CTNNA3: variants seen among roughly 807,000 people sequenced by gnomAD.
CTNNA3 encodes the protein catenin alpha 3, also known as catenin alpha-3.
CTNNA3 carries 76 observed loss-of-function variants against 95.7 expected under a neutral mutation model. The ratio of observed to expected loss-of-function variants is 0.79; its 90% CI spans 0.66 to 0.96. The LOEUF is 0.96. CTNNA3 is among the 40% of genes least tolerant of loss of function. The pLI is 0.00. For missense variants in CTNNA3, 1,191 were observed against 1,089.8 expected (o/e 1.09, Z -1.31); for synonymous variants, 431 against 374.4 (o/e 1.15, Z -1.74).
In CTNNA3 at chr10:66,520,685, T is replaced by A; in HGVS notation, c.1463A>T (p.Asn488Ile). 1 of 1,612,302 alleles carries A rather than the reference T, an allele frequency of 6.2e-7. No homozygotes were observed. Among genetic ancestry groups the A allele is most frequent in the Non-Finnish European group, 8.5e-7 (1 of 1,178,992 alleles). ...TMEMYKRTWENHIHVLTEAVD... is the reference protein window; with the variant it reads ...TMEMYKRTWEIHIHVLTEAVD... ...GGCTTCAGTGAGGACATGTATATGA[T>A]TCTCCCATGTACGCTTGTACATTTC... Residue 488 changes from asparagine to isoleucine, a missense_variant, in exon 11 of 18, where the codon AAT (asparagine) becomes ATT (isoleucine). Coordinates refer to ENST00000433211, the MANE Select transcript of CTNNA3 (RefSeq NM_013266.4).
intron 11 of CTNNA3, among the ~76,000 whole-genome samples, chr10:66,410,633 A>T (rs996043613): frequency 2.6e-5 from 4 of 152,162 alleles, no homozygotes; most frequent in Admixed American, 2.6e-4. Context: ...GCCTTTCTGC[A>T]TATTAGGTGT....
intron 13 of CTNNA3, among the ~76,000 whole-genome samples, chr10:66,251,592 C>G (rs1355383678): frequency 6.6e-6 from 1 of 151,944 alleles, no homozygotes; most frequent in East Asian, 1.9e-4. Context: ...TTCCACAAGA[C>G]CAAATTGAAA....
At chr10:66,188,676 C>T (rs1459267401) in intron 13 of CTNNA3, among the ~76,000 whole-genome samples, 1 of 148,078 alleles carries the variant, frequency 6.8e-6, no homozygotes, top group Non-Finnish European at 1.5e-5. Context: ...CAATACTTTG[C>T]TTCCATATCA....
At chr10:66,003,409 G>A (rs1054680730) in intron 15 of CTNNA3, among the ~76,000 whole-genome samples, 1 of 151,674 alleles carries the variant, frequency 6.6e-6, no homozygotes, top group Non-Finnish European at 1.5e-5. Flanking sequence ...AGAAATCCTA[G>A]GCACAATTTT....
intron 9 of CTNNA3, among the ~76,000 whole-genome samples, chr10:66,733,104 C>A (rs964828113): frequency 5.3e-5 from 8 of 149,762 alleles, no homozygotes; most frequent in African/African-American, 1.7e-4. Flanking sequence ...TCAAGTCATA[C>A]CTTTTTAAAA....
chr10:66,965,232 GTTTT>G (rs869055555), intron 7 of CTNNA3, among the ~76,000 whole-genome samples: 1 of 150,716 alleles, frequency 6.6e-6, no homozygotes, highest in South Asian at 2.1e-4. Flanking sequence ...TTTTTTTGGG[GTTTT>G]TTTGTTTGTT....
intron 10 of CTNNA3, among the ~76,000 whole-genome samples, chr10:66,536,980 C>T (rs2132065845): frequency 6.6e-6 from 1 of 151,742 alleles, no homozygotes; most frequent in East Asian, 1.9e-4. Context: ...TCTGGGTCAA[C>T]TGTGAAATAG....
intron 12 of CTNNA3, among the ~76,000 whole-genome samples, chr10:66,288,235 A>G (rs1470347737): frequency 6.6e-6 from 1 of 152,148 alleles, no homozygotes; most frequent in Non-Finnish European, 1.5e-5. Context: ...GGATAAAGGA[A>G]TAAGAAGACT....
intron 15 of CTNNA3, among the ~76,000 whole-genome samples, chr10:66,042,752 T>C (rs1290569538): frequency 6.6e-6 from 1 of 151,066 alleles, no homozygotes; most frequent in East Asian, 2.0e-4. Flanking sequence ...ATAAAAAAAT[T>C]AGCCAGGTGT....
At chr10:67,439,495 C>T (rs2132926081) in intron 5 of CTNNA3, among the ~76,000 whole-genome samples, 1 of 152,220 alleles carries the variant, frequency 6.6e-6, no homozygotes, top group Non-Finnish European at 1.5e-5. Context: ...CACTTTTAAA[C>T]AACCAGACCT....
At chr10:66,632,787 G>A (rs964638280) in intron 9 of CTNNA3, among the ~76,000 whole-genome samples, 2 of 151,208 alleles carry the variant, frequency 1.3e-5, no homozygotes, top group African/African-American at 4.9e-5. Flanking sequence ...CAAAAGATAG[G>A]CAAAACTTTG....
At chr10:66,843,644 C>G (rs1843148045) in intron 7 of CTNNA3, among the ~76,000 whole-genome samples, 1 of 152,122 alleles carries the variant, frequency 6.6e-6, no homozygotes. Context: ...GGCAGAATCA[C>G]AAAAACCAAA....
At chr10:66,180,533 A>G (rs938760042) in intron 13 of CTNNA3, among the ~76,000 whole-genome samples, 2 of 152,148 alleles carry the variant, frequency 1.3e-5, no homozygotes, top group Non-Finnish European at 2.9e-5. Context: ...TACAAAACCA[A>G]TTTCTCCCAG....
chr10:66,185,803 T>C (rs954907121), intron 13 of CTNNA3, among the ~76,000 whole-genome samples: 10 of 151,810 alleles, frequency 6.6e-5, no homozygotes, highest in African/African-American at 2.4e-4. Context: ...TTTTGAAGGG[T>C]AGTTGTGGAT....
intron 13 of CTNNA3, among the ~76,000 whole-genome samples, chr10:66,140,169 A>G (rs1158172808): frequency 6.6e-6 from 1 of 152,206 alleles, no homozygotes; most frequent in East Asian, 1.9e-4. Context: ...TAGAAATCCT[A>G]AAGAGAGAAA....
chr10:66,108,184 C>G (rs1422904746), intron 13 of CTNNA3, among the ~76,000 whole-genome samples: 2 of 152,088 alleles, frequency 1.3e-5, no homozygotes, highest in Non-Finnish European at 2.9e-5. Context: ...AAAAATATAT[C>G]AATGACACAA....
At chr10:66,606,191 A>T (rs1472945376) in intron 10 of CTNNA3, among the ~76,000 whole-genome samples, 1 of 152,182 alleles carries the variant, frequency 6.6e-6, no homozygotes, top group Non-Finnish European at 1.5e-5. Context: ...ATTATATAAC[A>T]GTAAAGGGTT....
chr10:66,331,554 A>G (rs12413952), intron 12 of CTNNA3, among the ~76,000 whole-genome samples: 62,992 of 151,226 alleles, frequency 0.42, 14,335 homozygotes, highest in Non-Finnish European at 0.51. Flanking sequence ...GGGTTTCACC[A>G]TGTTAGCCAG....
At chr10:66,715,489 ATATTTAAAAGT>A (rs893962014) in intron 9 of CTNNA3, among the ~76,000 whole-genome samples, 7 of 152,168 alleles carry the variant, frequency 4.6e-5, no homozygotes, top group Non-Finnish European at 7.4e-5. Context: ...CCACATTTAA[ATATTTAAAAGT>A]TATTTAAAAA....
Sources: allele counts gnomAD v4.1 joint callset (sites outside exome capture counted in the v4.1 genomes callset), GRCh38; gene constraint gnomAD v4.1.1; transcripts MANE v1.5; gene names NCBI Gene and HGNC (gene_info 2026-07-23, HGNC 2026-07-21).